The following PTPRT variants were observed in gnomAD, a reference collection of about 807,000 sequenced individuals.
PTPRT encodes receptor-type tyrosine-protein phosphatase T.
Under a neutral mutation model 176.8 loss-of-function variants are expected in PTPRT, and 56 were observed. That is an observed-to-expected ratio of 0.32 (90% CI 0.26 to 0.40). The LOEUF (loss-of-function observed/expected upper bound fraction) is 0.40. PTPRT is among the 10% of genes least tolerant of loss of function. The pLI is 1.00. For missense variants in PTPRT, 1,540 were observed against 1,908.2 expected (o/e 0.81, Z 3.60); for synonymous variants, 783 against 739.0 (o/e 1.06, Z -0.96).
chr20:42,312,749 T>C (rs2057653917), intron 12 of PTPRT, among the ~76,000 whole-genome samples: 1 of 151,822 alleles, frequency 6.6e-6, no homozygotes, highest in South Asian at 2.1e-4. Flanking sequence ...CTTGTTCATT[T>C]CTGAAGCAGT....
intron 1 of PTPRT, among the ~76,000 whole-genome samples, chr20:42,964,541 A>C (rs1308390769): frequency 1.3e-5 from 2 of 152,098 alleles, no homozygotes; most frequent in Non-Finnish European, 2.9e-5. Flanking sequence ...AACAAAATAC[A>C]GTAATAGTTT....
At chr20:42,174,124 T>C (rs1465919776) in intron 16 of PTPRT, among the ~76,000 whole-genome samples, 1 of 152,190 alleles carries the variant, frequency 6.6e-6, no homozygotes, top group Admixed American at 6.6e-5. Context: ...ATTAATATTA[T>C]TGGAAAGTTA....
chr20:42,505,450 C>T (rs1460593749), intron 7 of PTPRT, among the ~76,000 whole-genome samples: 1 of 151,976 alleles, frequency 6.6e-6, no homozygotes, highest in Non-Finnish European at 1.5e-5. Context: ...TACAGGCGCC[C>T]ACCACCATGC....
At chr20:42,842,240 C>A (rs558269606) in intron 2 of PTPRT, among the ~76,000 whole-genome samples, 1 of 152,110 alleles carries the variant, frequency 6.6e-6, no homozygotes, top group Non-Finnish European at 1.5e-5. Context: ...GGCTGCACTG[C>A]GAACATCCCC....
chr20:42,282,561 C>T (rs2057158235), intron 12 of PTPRT, 36 bp from the exon 13 acceptor site: 2 of 1,558,986 alleles, frequency 1.3e-6, no homozygotes, highest in Non-Finnish European at 1.8e-6. Flanking sequence ...AATTAATTAG[C>T]TGTGAGTTAT....
Position 43,170,261 on chromosome 20 carries a change from T to A in PTPRT, c.88+19385A>T, listed in dbSNP as rs78050140. 5.0e-3 allele frequency among the ~76,000 whole-genome samples: 759 copies of A among 152,260 alleles called. 7 individuals are homozygous for A. Among genetic ancestry groups the A allele is most frequent in the African/African-American group, 0.017 (718 of 41,540 alleles). On this transcript the variant is annotated intron_variant, in intron 1 of 30. Transcript: ENST00000373187. ...CACACTATTTATTCACCATTTTATA[T>A]ATGTTACTTCATGTTATGCTCACAA...
At chr20:42,943,204 G>A (rs1980676055) in intron 1 of PTPRT, among the ~76,000 whole-genome samples, 1 of 152,174 alleles carries the variant, frequency 6.6e-6, no homozygotes, top group Non-Finnish European at 1.5e-5. Flanking sequence ...CTGCCAAAAA[G>A]GCTGAGGTTG....
intron 1 of PTPRT, among the ~76,000 whole-genome samples, chr20:43,084,608 G>A (rs2011554996): frequency 6.6e-6 from 1 of 152,164 alleles, no homozygotes; most frequent in Non-Finnish European, 1.5e-5. Flanking sequence ...GAGATTTGGA[G>A]GGGACACAGA....
intron 6 of PTPRT, among the ~76,000 whole-genome samples, chr20:42,719,273 A>G (rs2076271803): frequency 2.0e-5 from 3 of 152,204 alleles, no homozygotes; most frequent in Non-Finnish European, 2.9e-5. Flanking sequence ...ATGAGATTGG[A>G]TAGACTCACT....
chr20:43,115,138 C>T (rs926008403), intron 1 of PTPRT, among the ~76,000 whole-genome samples: 1 of 152,170 alleles, frequency 6.6e-6, no homozygotes, highest in Non-Finnish European at 1.5e-5. Flanking sequence ...CCCCCAATTA[C>T]TTATCCCATG....
At chr20:42,917,440 T>C (rs1259915113) in intron 1 of PTPRT, among the ~76,000 whole-genome samples, 4 of 152,226 alleles carry the variant, frequency 2.6e-5, no homozygotes, top group African/African-American at 7.2e-5. Context: ...GACTTGGCGA[T>C]GCGGGCTCTT....
chr20:42,539,691 C>G (rs949304267), intron 7 of PTPRT, among the ~76,000 whole-genome samples: 1 of 150,874 alleles, frequency 6.6e-6, no homozygotes, highest in Non-Finnish European at 1.5e-5. Context: ...TACTAACATC[C>G]CCAGAGAGAT....
intron 2 of PTPRT, among the ~76,000 whole-genome samples, chr20:42,819,286 A>G (rs1390907453): frequency 6.6e-6 from 1 of 152,222 alleles, no homozygotes; most frequent in Non-Finnish European, 1.5e-5. Context: ...TCAGAATTTC[A>G]TATGCAGCCA....
chr20:42,501,438 A>G (rs1048088253), intron 7 of PTPRT, among the ~76,000 whole-genome samples: 2 of 152,186 alleles, frequency 1.3e-5, no homozygotes, highest in African/African-American at 4.8e-5. Flanking sequence ...ATATATATGC[A>G]TTTCTGTGAG....
At chr20:42,094,072 G>A (rs868146514) in intron 27 of PTPRT, among the ~76,000 whole-genome samples, 4 of 152,212 alleles carry the variant, frequency 2.6e-5, no homozygotes, top group South Asian at 2.1e-4. Context: ...ACCCTGAAAG[G>A]GGGAGCTATA....
intron 1 of PTPRT, among the ~76,000 whole-genome samples, chr20:43,003,329 G>A (rs1046268471): frequency 3.3e-5 from 5 of 152,164 alleles, no homozygotes; most frequent in Admixed American, 6.6e-5. Context: ...TGAGAATACA[G>A]ATGCATGCCA....
chr20:42,246,149 G>GAT (rs1233202849), intron 14 of PTPRT, among the ~76,000 whole-genome samples: 3 of 151,966 alleles, frequency 2.0e-5, no homozygotes, highest in East Asian at 1.9e-4. Context: ...AGTATATATT[G>GAT]ATATATATAT....
At chr20:42,536,310 CT>C (rs2072475912) in intron 7 of PTPRT, among the ~76,000 whole-genome samples, 1 of 152,106 alleles carries the variant, frequency 6.6e-6, no homozygotes, top group Non-Finnish European at 1.5e-5. Flanking sequence ...GAGAAATTTC[CT>C]TCTGATTTTA....
intron 7 of PTPRT, among the ~76,000 whole-genome samples, chr20:42,650,507 T>C (rs1178592064): frequency 1.3e-5 from 2 of 152,206 alleles, no homozygotes; most frequent in Admixed American, 1.3e-4. Flanking sequence ...GGGGGCCTTT[T>C]CAAATCAGGG....
Sources: gnomAD v4.1 joint callset for allele counts (sites outside exome capture counted in the v4.1 genomes callset) on GRCh38, gnomAD v4.1.1 for gene constraint, MANE v1.5 for transcripts, NCBI Gene and HGNC (gene_info 2026-07-23, HGNC 2026-07-21) for gene names.